The following THTPA variants were observed in gnomAD, a reference collection of about 807,000 sequenced individuals.
THTPA encodes the protein thiamine-triphosphatase.
A neutral mutation model predicts 16.5 loss-of-function variants in THTPA; 16 were observed. The ratio of observed to expected loss-of-function variants is 0.97; its 90% confidence interval spans 0.66 to 1.47. The LOEUF is 1.47. Ranked by LOEUF, THTPA falls within the 40% of genes most tolerant of loss-of-function variation. THTPA has a pLI of 0.00. For synonymous variants in THTPA, 110 were observed against 115.5 expected (o/e 0.95, Z 0.30); for missense variants, 281 against 280.9 (o/e 1.00, Z 0.00).
chr14:23,540,926 G>C, the THTPA span, among the ~76,000 whole-genome samples: 20,962 of 150,062 alleles, frequency 0.14, 1,529 homozygotes, highest in East Asian at 0.19. Flanking sequence ...TTTTTTTTGA[G>C]ACAGAGTCTC....
At chr14:23,532,138 C>T in the THTPA span, 7 of 168,354 alleles carry the variant, frequency 4.2e-5, no homozygotes, top group East Asian at 1.7e-4. Flanking sequence ...CCCCACCCCT[C>T]GCTTCCTGCT....
chr14:23,524,415 C>G, the THTPA span: 1 of 1,536,216 alleles, frequency 6.5e-7, no homozygotes. The surrounding 1 kb of genome is among the most constrained non-coding windows in gnomAD (Gnocchi z 5.6). Context: ...GCTTCACTGC[C>G]TGTGGGAGAC....
chr14:23,520,019 C>T, the THTPA span, among the ~76,000 whole-genome samples: 1 of 152,332 alleles, frequency 6.6e-6, no homozygotes, highest in East Asian at 1.9e-4. The surrounding 1 kb of genome is among the most constrained non-coding windows in gnomAD (Gnocchi z 8.7). Context: ...ATGGACTTCT[C>T]TACCCCACAC....
the THTPA span, chr14:23,521,981 G>T: frequency 6.5e-7 from 1 of 1,536,386 alleles, no homozygotes; most frequent in South Asian, 1.2e-5. Context: ...TAGAAGTGTA[G>T]AGGTAGTCGT....
In THTPA at chr14:23,559,798, A is replaced by G. The variant is rs1316868461; in HGVS notation, c.*958A>G. 1.2e-6 allele frequency: 2 copies of G among 1,614,126 alleles called. No homozygotes were observed. Among genetic ancestry groups the G allele is most frequent in the South Asian group, 2.2e-5 (2 of 91,076 alleles). On this transcript the variant is annotated 3_prime_UTR_variant, in exon 2 of 2. Coordinates refer to ENST00000288014, the MANE Select transcript of THTPA (RefSeq NM_024328.6). Reference sequence around the variant, plus strand: ...GTTGTTCACCTCAAAGATCTCCTGCACCGACTGGTGAAAGTGGTCGTAGGT... The same window carrying G: ...GTTGTTCACCTCAAAGATCTCCTGCGCCGACTGGTGAAAGTGGTCGTAGGT...
chr14:23,523,154 A>G, the THTPA span: 2 of 1,409,760 alleles, frequency 1.4e-6, no homozygotes, highest in East Asian at 2.6e-5. The surrounding 1 kb of genome is among the most constrained non-coding windows in gnomAD (Gnocchi z 4.1). Context: ...GCATGTCATT[A>G]GAGGGGGATG....
At chr14:23,531,341 C>T in the THTPA span, 48 of 1,233,706 alleles carry the variant, frequency 3.9e-5, no homozygotes, top group Admixed American at 7.1e-5. Flanking sequence ...CTTATCCCTT[C>T]GCAGCTTCTT....
the THTPA span, chr14:23,534,166 G>T: frequency 6.8e-6 from 10 of 1,473,726 alleles, no homozygotes; most frequent in East Asian, 2.5e-4. This position sits in a 1 kb window ranked among gnomAD's most constrained non-coding sequence, Gnocchi z 4.5. Flanking sequence ...GTTGAGTGGG[G>T]GGCAGAGCCC....
At chr14:23,527,483 C>G in the THTPA span, 1 of 1,305,724 alleles carries the variant, frequency 7.7e-7, no homozygotes, top group Admixed American at 2.0e-5. Context: ...AACACACGCA[C>G]TTGCCTGAAT....
At chr14:23,549,771 C>G in the THTPA span, among the ~76,000 whole-genome samples, 1 of 152,142 alleles carries the variant, frequency 6.6e-6, no homozygotes, top group African/African-American at 2.4e-5. Context: ...CCCCTGGAAG[C>G]TCATTAAATT....
At chr14:23,530,876 A>G in the THTPA span, 1 of 222,608 alleles carries the variant, frequency 4.5e-6, no homozygotes, top group Non-Finnish European at 8.9e-6. Flanking sequence ...CCCGACGCCC[A>G]TGCCCACCTC....
In THTPA at chr14:23,557,279, G is replaced by T. The variant is rs1363427959; in HGVS notation, c.522G>T (p.Lys174Asn). The change falls in exon 1 of 2, where the codon AAG becomes AAT. Residue 174 changes from lysine (K) to asparagine (N), a missense_variant. Physicochemically the swap from Lys to Asn is moderately conservative, Grantham distance 94. Transcript: ENST00000288014. ...EEAEVPTALEKIHRLSSMLGV... is the reference protein window; with the variant it reads ...EEAEVPTALENIHRLSSMLGV... ...CTGAAGTACCAACTGCCCTAGAGAAGATCCACAGGCTCAGCAGCATGCTTG... is the reference window on the plus strand; with the variant it reads ...CTGAAGTACCAACTGCCCTAGAGAATATCCACAGGCTCAGCAGCATGCTTG... 6.2e-7 allele frequency: 1 copy of T among 1,606,128 alleles called. No individual in the cohort carries two copies. The highest frequency in any genetic ancestry group is 8.5e-7 in the Non-Finnish European group (1 of 1,178,604).
chr14:23,535,419 C>CCCCAGCTG, the THTPA span: 1 of 1,386,068 alleles, frequency 7.2e-7, no homozygotes, highest in Non-Finnish European at 9.4e-7. The surrounding 1 kb of genome is among the most constrained non-coding windows in gnomAD (Gnocchi z 4.5). Context: ...GCTGCAGGGA[C>CCCCAGCTG]CCCAGCTGGG....
At chr14:23,557,441 G>T (rs1271262570) in intron 1 of THTPA, 137 bp downstream of exon 1, 2 of 970,226 alleles carry the variant, frequency 2.1e-6, no homozygotes, top group East Asian at 2.7e-5. Flanking sequence ...TTGCCGTGTT[G>T]CCCAGGCTGG....
chr14:23,557,421 A>C (rs578241030), intron 1 of THTPA, 117 bp downstream of exon 1: 1 of 1,184,576 alleles, frequency 8.4e-7, no homozygotes, highest in Non-Finnish European at 1.1e-6. Flanking sequence ...TTTTTAATAG[A>C]GACAAGGTTT....
At chr14:23,525,249 G>C in the THTPA span, 2 of 1,536,088 alleles carry the variant, frequency 1.3e-6, no homozygotes, top group Non-Finnish European at 1.7e-6. The surrounding 1 kb of genome is among the most constrained non-coding windows in gnomAD (Gnocchi z 5.9). Context: ...CGCTCTTCAG[G>C]GGCACGGGTC....
At chr14:23,526,841 C>T in the THTPA span, 9 of 1,527,434 alleles carry the variant, frequency 5.9e-6, no homozygotes, top group Non-Finnish European at 7.9e-6. Flanking sequence ...CTGTTCCATT[C>T]CTTACCTGCT....
chr14:23,531,413 C>G, the THTPA span: 11 of 1,336,092 alleles, frequency 8.2e-6, no homozygotes, highest in African/African-American at 6.0e-5. Flanking sequence ...AACTCCGCAG[C>G]CCCCCTGCTC....
rs1250774271 is a variant in THTPA at position 23,557,096 on chromosome 14, G to A, written c.339G>A (p.Leu113=). 64 of 1,614,094 alleles carry A rather than the reference G, an allele frequency of 4.0e-5. No individual in the cohort carries two copies. The highest frequency in any genetic ancestry group is 5.4e-5 in the Non-Finnish European group (64 of 1,180,052). The part of the protein sequence containing the change: ...AGDVAAVLGP[L]GLQEVASFVT... The stretch of plus-strand genomic sequence containing the variant: ...ATGTGGCTGCTGTGCTGGGCCCACT[G>A]GGGCTGCAGGAAGTAGCTAGTTTTG... Residue 113 remains leucine, a synonymous_variant, in exon 1 of 2, where the codon CTG becomes CTA. Coordinates refer to ENST00000288014, the MANE Select transcript of THTPA (RefSeq NM_024328.6).
Sources: gnomAD v4.1 joint callset for allele counts (sites outside exome capture counted in the v4.1 genomes callset) on GRCh38, gnomAD v4.1.1 for gene constraint, Gnocchi (gnomAD v3.1) non-coding constraint, MANE v1.5 for transcripts, NCBI Gene and HGNC (gene_info 2026-07-23, HGNC 2026-07-21) for gene names.